Variants in PAX7 observed in about 807,000 individuals in gnomAD.
PAX7 encodes paired box 7, also known as paired box protein Pax-7.
PAX7 carries 18 observed loss-of-function variants against 50.7 expected under a neutral mutation model. The ratio of observed to expected loss-of-function variants is 0.36; its 90% CI spans 0.25 to 0.53. The LOEUF (loss-of-function observed/expected upper bound fraction) is 0.53. Ranked by LOEUF, PAX7 falls within the 20% of genes least tolerant of loss-of-function variation. The probability of loss-of-function intolerance (pLI) is 0.93; values close to 1 mark genes in which losing one functional copy is unlikely to be tolerated. For missense variants in PAX7, 644 were observed against 702.9 expected (o/e 0.92, Z 0.95); for synonymous variants, 310 against 290.4 (o/e 1.07, Z -0.69).
intron 4 of PAX7, among the ~76,000 whole-genome samples, chr1:18,657,552 G>T (rs1016629573): frequency 6.6e-6 from 1 of 152,074 alleles, no homozygotes; most frequent in Non-Finnish European, 1.5e-5. Flanking sequence ...TTCTTAGCCC[G>T]CACTCTCTGA....
chr1:18,744,770 C>T (rs989674037), intron 8 of PAX7, 44 bp from the exon 9 acceptor site: 22 of 1,201,546 alleles, frequency 1.8e-5, no homozygotes, highest in Non-Finnish European at 2.3e-5. Flanking sequence ...GAAGAATAAA[C>T]AAAAAGAACC....
rs1348399355 is a variant in PAX7, at chr1:18,744,802, T to C, written c.1403-12T>C. 5 of 1,519,476 alleles carry C rather than the reference T, an allele frequency of 3.3e-6. No homozygotes were observed. Among genetic ancestry groups the C allele is most frequent in the African/African-American group, 1.4e-5 (1 of 72,368 alleles). The allele number at this position is 1,519,476 out of a possible 1,614,324, so 94.1% of individuals were successfully genotyped here. Reference sequence around the variant, plus strand: ...AACCTCAATTTCTAGGAGAGTCTCTTCTTTTTTCCAGCTGCTGTTGATTAT... The same window carrying C: ...AACCTCAATTTCTAGGAGAGTCTCTCCTTTTTTCCAGCTGCTGTTGATTAT... On this transcript the variant is annotated splice_polypyrimidine_tract_variant and intron_variant, in intron 8 of 8. Coordinates refer to ENST00000420770, the MANE Select transcript of PAX7 (RefSeq NM_001135254.2).
chr1:18,635,549 A>AGCAG, intron 3 of PAX7, among the ~76,000 whole-genome samples: 1 of 84,128 alleles, frequency 1.2e-5, no homozygotes, highest in African/African-American at 5.4e-5. Flanking sequence ...AAGGAAGGAA[A>AGCAG]GCAGGCAGGC....
rs185749479 is a variant in PAX7, at chr1:18,738,533, C to T, written c.1402+2655C>T. On this transcript the variant is annotated intron_variant, in intron 8 of 8. Coordinates refer to ENST00000420770, the MANE Select transcript of PAX7 (RefSeq NM_001135254.2). The stretch of plus-strand genomic sequence containing the variant: ...GGACAAAGCCAGCCAGAGCAGCTTC[C>T]TCCTCCCCCACCACCCCCTACTCCA... 9.9e-5 allele frequency among the ~76,000 whole-genome samples: 15 copies of T among 152,184 alleles called. No homozygotes were observed. In the East Asian group the frequency reaches 2.3e-3, roughly 24 times the overall value.
At chr1:18,717,128 A>G (rs1265265963) in intron 7 of PAX7, among the ~76,000 whole-genome samples, 1 of 152,100 alleles carries the variant, frequency 6.6e-6, no homozygotes, top group Non-Finnish European at 1.5e-5. Flanking sequence ...CACTCAGTCA[A>G]AGTGATTCCC....
At chr1:18,682,935 C>CCTGCACAG (rs891464303) in intron 4 of PAX7, among the ~76,000 whole-genome samples, 12 of 152,186 alleles carry the variant, frequency 7.9e-5, no homozygotes, top group African/African-American at 2.4e-4. Context: ...TCCACCTGTC[C>CCTGCACAG]CTGCACAGCT....
At chr1:18,655,772 T>G (rs112831681) in intron 4 of PAX7, among the ~76,000 whole-genome samples, 39 of 109,832 alleles carry the variant, frequency 3.6e-4, no homozygotes, top group African/African-American at 1.1e-3. Context: ...TTGGAGAGGG[T>G]GTGTGTGTGT....
intron 4 of PAX7, among the ~76,000 whole-genome samples, chr1:18,645,245 G>A (rs2088319682): frequency 6.6e-6 from 1 of 152,236 alleles, no homozygotes; most frequent in African/African-American, 2.4e-5. Context: ...CCGCGTCGGC[G>A]GGCTGGGCCT....
chr1:18,742,647 G>A (rs1025267397), intron 8 of PAX7, among the ~76,000 whole-genome samples: 4 of 152,184 alleles, frequency 2.6e-5, no homozygotes, highest in African/African-American at 7.2e-5. Flanking sequence ...CTACCAACTG[G>A]GAGCCTGGAG....
At chr1:18,665,873 C>T (rs1271239655) in intron 4 of PAX7, among the ~76,000 whole-genome samples, 1 of 151,854 alleles carries the variant, frequency 6.6e-6, no homozygotes, top group Non-Finnish European at 1.5e-5. Flanking sequence ...AGTTTCGCCA[C>T]GTTGTCCAGG....
At chr1:18,677,308 C>G (rs1406189012) in intron 4 of PAX7, among the ~76,000 whole-genome samples, 1 of 152,176 alleles carries the variant, frequency 6.6e-6, no homozygotes, top group Non-Finnish European at 1.5e-5. Flanking sequence ...GTGGGGGTGT[C>G]AGGCTTATGT....
intron 7 of PAX7, among the ~76,000 whole-genome samples, chr1:18,734,005 G>T (rs2089679858): frequency 6.6e-6 from 1 of 152,190 alleles, no homozygotes; most frequent in Admixed American, 6.5e-5. Flanking sequence ...TACTCCCGAG[G>T]TTACACAGCT....
intron 4 of PAX7, among the ~76,000 whole-genome samples, chr1:18,662,374 C>T (rs1194789985): frequency 6.6e-6 from 1 of 152,208 alleles, no homozygotes; most frequent in East Asian, 1.9e-4. Context: ...GGCGACCTTT[C>T]TGCAGTCCTG....
chr1:18,674,824 T>C (rs1479129105), intron 4 of PAX7, among the ~76,000 whole-genome samples: 1 of 152,176 alleles, frequency 6.6e-6, no homozygotes, highest in Non-Finnish European at 1.5e-5. Flanking sequence ...TATAGAACAG[T>C]GGTTCTCAAA....
intron 7 of PAX7, among the ~76,000 whole-genome samples, chr1:18,711,718 C>T (rs1310882616): frequency 2.0e-5 from 3 of 152,146 alleles, no homozygotes; most frequent in Non-Finnish European, 4.4e-5. Context: ...GGAAAGCTAA[C>T]TGAGTCATCC....
intron 7 of PAX7, among the ~76,000 whole-genome samples, chr1:18,725,715 C>A (rs2089556841): frequency 6.6e-6 from 1 of 152,240 alleles, no homozygotes; most frequent in South Asian, 2.1e-4. Flanking sequence ...AGCCTCGCCG[C>A]TCCGAGCAGA....
intron 4 of PAX7, among the ~76,000 whole-genome samples, chr1:18,641,644 T>C (rs1416354178): frequency 6.6e-6 from 1 of 152,148 alleles, no homozygotes; most frequent in African/African-American, 2.4e-5. Context: ...AATTAGATAT[T>C]TACCAGTTTG....
At chr1:18,737,391 C>A (rs1930814976) in intron 8 of PAX7, among the ~76,000 whole-genome samples, 1 of 152,080 alleles carries the variant, frequency 6.6e-6, no homozygotes, top group East Asian at 1.9e-4. Flanking sequence ...AGGGCCACTG[C>A]CAAATGAGGG....
At chr1:18,712,051 T>C (rs2100347032) in intron 7 of PAX7, among the ~76,000 whole-genome samples, 1 of 151,954 alleles carries the variant, frequency 6.6e-6, no homozygotes, top group East Asian at 1.9e-4. Context: ...CAGGGCTTTT[T>C]CCCCCGGTTC....
Sources: allele counts gnomAD v4.1 joint callset (sites outside exome capture counted in the v4.1 genomes callset), GRCh38; gene constraint gnomAD v4.1.1; transcripts MANE v1.5; gene names NCBI Gene and HGNC (gene_info 2026-07-23, HGNC 2026-07-21).